Variants in GPR158 observed in about 807,000 individuals in gnomAD.
GPR158 encodes metabotropic glycine receptor.
Under a neutral mutation model 78.2 loss-of-function variants are expected in GPR158, and 30 were observed. That is an observed-to-expected ratio of 0.38 (90% CI 0.29 to 0.52). GPR158 has a LOEUF of 0.52. Among genes scored for constraint, GPR158 ranks in the 20% least tolerant of loss-of-function variants. The pLI is 0.83. For missense variants in GPR158, 1,463 were observed against 1,523.5 expected (o/e 0.96, Z 0.66); for synonymous variants, 581 against 591.1 (o/e 0.98, Z 0.25).
intron 6 of GPR158, among the ~76,000 whole-genome samples, chr10:25,570,278 T>A (rs993278512): frequency 6.6e-6 from 1 of 152,208 alleles, no homozygotes; most frequent in Non-Finnish European, 1.5e-5. Flanking sequence ...TTATATTTGG[T>A]CAATTTGTTG....
At chr10:25,533,540 CA>C (rs1356935995) in intron 5 of GPR158, among the ~76,000 whole-genome samples, 3 of 152,166 alleles carry the variant, frequency 2.0e-5, no homozygotes, top group Non-Finnish European at 4.4e-5. Flanking sequence ...TCTGCTTTCA[CA>C]ATTTTTCTAC....
chr10:25,278,029 G>T (rs1854210138), intron 2 of GPR158, among the ~76,000 whole-genome samples: 1 of 152,098 alleles, frequency 6.6e-6, no homozygotes, highest in East Asian at 1.9e-4. Context: ...ACCACCTGCA[G>T]CTCAAGACCT....
chr10:25,336,081 A>T (rs975057272), intron 2 of GPR158, among the ~76,000 whole-genome samples: 7 of 152,090 alleles, frequency 4.6e-5, no homozygotes, highest in Admixed American at 3.9e-4. Flanking sequence ...GATCATTGTC[A>T]TACTATTATT....
chr10:25,258,581 T>C (rs1028261971), intron 2 of GPR158, among the ~76,000 whole-genome samples: 9 of 152,198 alleles, frequency 5.9e-5, no homozygotes, highest in Non-Finnish European at 1.2e-4. Flanking sequence ...ATTTAAATTA[T>C]GTATCTATTT....
intron 5 of GPR158, among the ~76,000 whole-genome samples, chr10:25,520,511 A>G (rs575475821): frequency 0.039 from 5,743 of 148,838 alleles, 294 homozygotes; most frequent in African/African-American, 0.1. Context: ...GGTTTTATCT[A>G]CTTTTGGTCT....
intron 2 of GPR158, among the ~76,000 whole-genome samples, chr10:25,241,372 C>CTCTTTTCTCTTCTCT (rs1554787300): frequency 1.3e-4 from 13 of 102,956 alleles, no homozygotes; most frequent in African/African-American, 6.1e-4. Flanking sequence ...CTTTTCTTTT[C>CTCTTTTCTCTTCTCT]TCTCTTCTCT....
chr10:25,438,579 G>C (rs1029369745), intron 4 of GPR158, among the ~76,000 whole-genome samples: 13 of 152,174 alleles, frequency 8.5e-5, no homozygotes, highest in Middle Eastern at 3.2e-3. Flanking sequence ...ACAGTAATTA[G>C]CATCTTCAGT....
At chr10:25,193,552 G>A (rs142319774) in intron 1 of GPR158, among the ~76,000 whole-genome samples, 14 of 152,338 alleles carry the variant, frequency 9.2e-5, no homozygotes, top group African/African-American at 3.1e-4. Flanking sequence ...AGGAAGGCGT[G>A]CAGAAGGTGC....
At chr10:25,392,600 C>T (rs1011209428) in intron 2 of GPR158, among the ~76,000 whole-genome samples, 1 of 152,142 alleles carries the variant, frequency 6.6e-6, no homozygotes, top group African/African-American at 2.4e-5. Flanking sequence ...ACAAGTGCTA[C>T]TTAACAAGCA....
chr10:25,587,868 T>A (rs1213366419), intron 7 of GPR158, among the ~76,000 whole-genome samples: 1 of 152,198 alleles, frequency 6.6e-6, no homozygotes, highest in Non-Finnish European at 1.5e-5. Context: ...AACACCTTGG[T>A]TTTTGGATGG....
intron 2 of GPR158, among the ~76,000 whole-genome samples, chr10:25,281,676 A>G (rs1167962641): frequency 6.6e-6 from 1 of 152,134 alleles, no homozygotes; most frequent in Non-Finnish European, 1.5e-5. Flanking sequence ...GGAGGAAAAA[A>G]AGGCTGAAAA....
intron 1 of GPR158, among the ~76,000 whole-genome samples, chr10:25,219,971 TTGTG>T (rs907563027): frequency 6.6e-6 from 1 of 152,202 alleles, no homozygotes; most frequent in Admixed American, 6.5e-5. Context: ...TATTTTGTAA[TTGTG>T]TGGGATTCTT....
chr10:25,242,666 T>C (rs1199838465), intron 2 of GPR158, among the ~76,000 whole-genome samples: 1 of 152,222 alleles, frequency 6.6e-6, no homozygotes, highest in African/African-American at 2.4e-5. Flanking sequence ...GACTGGATTT[T>C]CCTTTATTTA....
At position 25,347,069 on chromosome 10, in the gene GPR158, A is replaced by G. The variant is rs1431941580; in HGVS notation, c.1009-48842A>G. ...CTGAGGTGTTTGCAAAGTACCAAGC[A>G]TAGTGCCTGTATTTGTTCTCTTATG... On this transcript the variant is annotated intron_variant, in intron 2 of 10. Transcript: ENST00000376351. Among the ~76,000 whole-genome samples, 3 of 151,954 alleles carry G rather than the reference A, an allele frequency of 2.0e-5. No homozygotes were observed. In the South Asian group the frequency reaches 6.2e-4, roughly 31 times the overall value.
At chr10:25,593,565 A>T (rs1588927832) in intron 8 of GPR158, among the ~76,000 whole-genome samples, 2 of 152,184 alleles carry the variant, frequency 1.3e-5, no homozygotes, top group Non-Finnish European at 2.9e-5. Flanking sequence ...TGAACTGTGT[A>T]CATACACCTA....
At chr10:25,350,619 T>C (rs1012399280) in intron 2 of GPR158, among the ~76,000 whole-genome samples, 12 of 152,052 alleles carry the variant, frequency 7.9e-5, no homozygotes, top group Non-Finnish European at 1.8e-4. Flanking sequence ...ATTGAAATTT[T>C]CTCCATAATC....
intron 5 of GPR158, among the ~76,000 whole-genome samples, chr10:25,490,207 C>T (rs993095890): frequency 2.0e-5 from 3 of 151,886 alleles, no homozygotes; most frequent in Non-Finnish European, 4.4e-5. Context: ...GGAACTCTTC[C>T]TTGTGTTTGT....
chr10:25,360,330 C>G (rs1855616100), intron 2 of GPR158, among the ~76,000 whole-genome samples: 1 of 152,110 alleles, frequency 6.6e-6, no homozygotes, highest in Non-Finnish European at 1.5e-5. Flanking sequence ...TTGCCCATGC[C>G]TATGTCCTGA....
chr10:25,346,681 T>C (rs563586257), intron 2 of GPR158, among the ~76,000 whole-genome samples: 1 of 152,094 alleles, frequency 6.6e-6, no homozygotes, highest in Non-Finnish European at 1.5e-5. Context: ...AAGATTGAGT[T>C]CATTTTTCTT....
Sources: gnomAD v4.1 joint callset for allele counts (sites outside exome capture counted in the v4.1 genomes callset) on GRCh38, gnomAD v4.1.1 for gene constraint, MANE v1.5 for transcripts, NCBI Gene and HGNC (gene_info 2026-07-23, HGNC 2026-07-21) for gene names.